The following TIAM1 variants were observed in gnomAD, a reference collection of about 807,000 sequenced individuals.
TIAM1 encodes rho guanine nucleotide exchange factor TIAM1.
A neutral mutation model predicts 163.5 loss-of-function variants in TIAM1; 65 were observed. The ratio of observed to expected loss-of-function variants is 0.40; its 90% confidence interval spans 0.33 to 0.49. The LOEUF is 0.49. TIAM1 is among the 20% of genes least tolerant of loss of function. The pLI is 0.77. For synonymous variants in TIAM1, 833 were observed against 810.1 expected (o/e 1.03, Z -0.48); for missense variants, 1,789 against 2,044.7 (o/e 0.87, Z 2.41).
At chr21:31,185,810 A>C (rs1045317227) in intron 14 of TIAM1, among the ~76,000 whole-genome samples, 18 of 152,006 alleles carry the variant, frequency 1.2e-4, no homozygotes, top group African/African-American at 4.3e-4. Flanking sequence ...ACACAGAGAC[A>C]CACACAGGGC....
intron 15 of TIAM1, among the ~76,000 whole-genome samples, chr21:31,172,143 G>T (rs556978054): frequency 6.6e-6 from 1 of 152,156 alleles, no homozygotes; most frequent in African/African-American, 2.4e-5. Context: ...GAAAGCAGGA[G>T]GTGACAGTGG....
At chr21:31,220,280 T>C (rs1426311843) in intron 8 of TIAM1, among the ~76,000 whole-genome samples, 1 of 152,260 alleles carries the variant, frequency 6.6e-6, no homozygotes, top group African/African-American at 2.4e-5. Flanking sequence ...ATCTCTGCGC[T>C]GTTCACTATA....
chr21:31,547,863 A>G (rs1294584369), intron 1 of TIAM1, among the ~76,000 whole-genome samples: 2 of 152,210 alleles, frequency 1.3e-5, no homozygotes, highest in Non-Finnish European at 2.9e-5. Context: ...TGAGCTTTGC[A>G]TGACACAGTT....
intron 11 of TIAM1, among the ~76,000 whole-genome samples, chr21:31,207,507 C>A (rs1001475098): frequency 6.6e-6 from 1 of 151,938 alleles, no homozygotes; most frequent in Non-Finnish European, 1.5e-5. Context: ...GAAAAAAAAA[C>A]CATTCGCCAT....
intron 2 of TIAM1, among the ~76,000 whole-genome samples, chr21:31,424,153 C>G (rs2043698273): frequency 6.6e-6 from 1 of 152,156 alleles, no homozygotes; most frequent in African/African-American, 2.4e-5. Flanking sequence ...GACGCATGGT[C>G]TTCTTTCTTT....
At chr21:31,435,523 T>C (rs1216276614) in intron 2 of TIAM1, among the ~76,000 whole-genome samples, 2 of 152,132 alleles carry the variant, frequency 1.3e-5, no homozygotes, top group South Asian at 2.1e-4. Context: ...CTAATGACAA[T>C]AGTACTAATT....
chr21:31,321,499 C>T (rs1464451305), intron 2 of TIAM1, among the ~76,000 whole-genome samples: 2 of 151,924 alleles, frequency 1.3e-5, no homozygotes, highest in African/African-American at 4.8e-5. Flanking sequence ...ATTATAGGCA[C>T]GTGCCACCAT....
intron 1 of TIAM1, among the ~76,000 whole-genome samples, chr21:31,520,120 C>T (rs1317635185): frequency 7.2e-5 from 11 of 152,128 alleles, no homozygotes; most frequent in African/African-American, 2.4e-4. Context: ...CACCTGAGGT[C>T]GGGAGTTCGA....
chr21:31,160,797 C>A, intron 16 of TIAM1: 1 of 316,024 alleles, frequency 3.2e-6, no homozygotes, highest in Non-Finnish European at 5.7e-6. Context: ...AAACTGTGGA[C>A]CAGAACTCAG....
At chr21:31,290,676 A>C (rs1417448359) in intron 2 of TIAM1, among the ~76,000 whole-genome samples, 1 of 141,866 alleles carries the variant, frequency 7.0e-6, no homozygotes, top group African/African-American at 2.6e-5. Context: ...AAAAAAAAAA[A>C]AATTAGCAAC....
chr21:31,196,541 A>G (rs11700390), intron 12 of TIAM1, among the ~76,000 whole-genome samples: 25,972 of 148,688 alleles, frequency 0.17, 3,334 homozygotes, highest in East Asian at 0.39. Flanking sequence ...GGCTGGTCTC[A>G]AACTCTGACC....
In TIAM1 at chr21:31,318,894, C is replaced by T. The variant is rs139764042; in HGVS notation, c.-189+20349G>A. Reference sequence around the variant, plus strand: ...GTTGTTTTATACAAAGACAGGGTCTCGCTCTGTCCCTCAGGCTGGAGTGCA... The same window carrying T: ...GTTGTTTTATACAAAGACAGGGTCTTGCTCTGTCCCTCAGGCTGGAGTGCA... On this transcript the variant is annotated intron_variant, in intron 2 of 27. Transcript: ENST00000541036. Among the ~76,000 whole-genome samples the T allele has an allele frequency of 4.2e-4, 64 of 152,280 alleles. No individual in the cohort carries two copies. In the East Asian group the frequency reaches 8.1e-3, roughly 19 times the overall value.
At chr21:31,306,218 A>G (rs2074705088) in intron 2 of TIAM1, among the ~76,000 whole-genome samples, 1 of 152,090 alleles carries the variant, frequency 6.6e-6, no homozygotes, top group Non-Finnish European at 1.5e-5. Context: ...CAGGAGTTTG[A>G]GGCTGTGGTG....
In TIAM1 at chr21:31,395,293, G is replaced by C. The variant is rs2077045669; in HGVS notation, c.-368-55871C>G. The stretch of plus-strand genomic sequence containing the variant: ...CAAAACTAGTAATTGGAGCTCTCTG[G>C]AGATGTCACTACGTCTCAGGGGGCT... On this transcript the variant is annotated intron_variant, in intron 2 of 28. Transcript: ENST00000286827. The surrounding 1 kb of genome is among the most constrained non-coding windows in gnomAD (Gnocchi z 7.5). Among the ~76,000 whole-genome samples, 1 of 151,934 alleles carries C rather than the reference G, an allele frequency of 6.6e-6. No individual in the cohort carries two copies. The highest frequency in any genetic ancestry group is 2.4e-5 in the African/African-American group (1 of 41,390).
chr21:31,507,711 C>T (rs551840920), intron 1 of TIAM1, among the ~76,000 whole-genome samples: 1 of 152,274 alleles, frequency 6.6e-6, no homozygotes, highest in African/African-American at 2.4e-5. Context: ...GAGGGACAGA[C>T]AGGAATCAGA....
At position 31,182,556 on chromosome 21, in the gene TIAM1, G is replaced by C; in HGVS notation, c.2752C>G (p.Pro918Ala). ...GTCCTCACCAGGAGGCCCAGCGAGG[G>C]CTGTGAGAGGAAATCTTTGAGCATA... is the stretch of plus-strand genomic sequence containing the variant. ...SSMLKDFLSQ[P>A]SLGLLVRTYP... The change falls in exon 15 of 28, where the codon CCC (proline) becomes GCC (alanine). Residue 918 changes from proline to alanine, a missense_variant. By Grantham distance (27) the Pro-to-Ala change is conservative. Transcript: ENST00000541036. 1 of 1,614,114 alleles carries C rather than the reference G, an allele frequency of 6.2e-7. No individual in the cohort carries two copies.
In TIAM1 at chr21:31,455,994, C is replaced by T. The variant is rs377388239; in HGVS notation, c.-369+7989G>A. ...GAGGACTAGAGGGTGGCAATGTGTC[C>T]GTGTTAATTTCCGGATATCAACGGC... is the stretch of plus-strand genomic sequence containing the variant. On this transcript the variant is annotated intron_variant, in intron 2 of 28. Coordinates refer to the TIAM1 transcript ENST00000286827. 7.2e-5 allele frequency among the ~76,000 whole-genome samples: 11 copies of T among 152,152 alleles called. No homozygotes were observed. The South Asian group carries it at 1.5e-3, about 20-fold the overall frequency.
chr21:31,435,504 C>T (rs1316874818), intron 2 of TIAM1, among the ~76,000 whole-genome samples: 1 of 152,180 alleles, frequency 6.6e-6, no homozygotes, highest in Admixed American at 6.5e-5. Context: ...ACGTTTGCTG[C>T]ATGTAGTACT....
At chr21:31,216,234 C>A (rs2087201816) in intron 9 of TIAM1, among the ~76,000 whole-genome samples, 1 of 152,158 alleles carries the variant, frequency 6.6e-6, no homozygotes, top group South Asian at 2.1e-4. Flanking sequence ...CTCAGGGCAT[C>A]AGCTTTCAGG....
Sources: gnomAD v4.1 joint callset for allele counts (sites outside exome capture counted in the v4.1 genomes callset) on GRCh38, gnomAD v4.1.1 for gene constraint, Gnocchi (gnomAD v3.1) non-coding constraint, MANE v1.5 for transcripts, NCBI Gene and HGNC (gene_info 2026-07-23, HGNC 2026-07-21) for gene names.